The following VPS51 variants were observed in gnomAD, a reference collection of about 807,000 sequenced individuals.
VPS51 encodes the protein VPS51 subunit of GARP complex.
Under a neutral mutation model 65.1 loss-of-function variants are expected in VPS51, and 55 were observed. That is an observed-to-expected ratio of 0.84 (90% CI 0.68 to 1.06). The LOEUF (loss-of-function observed/expected upper bound fraction) is 1.06, where lower values mean the gene tolerates loss of function less well. Among genes scored for constraint, VPS51 ranks in the 50% least tolerant of loss-of-function variants. The pLI, the probability that VPS51 is intolerant of heterozygous loss-of-function variation, is 0.00. For missense variants in VPS51, 943 were observed against 1,101.6 expected, an observed-to-expected ratio of 0.86 and a Z score of 2.04; for synonymous variants, 473 against 489.5, an observed-to-expected ratio of 0.97 and a Z score of 0.44.
chr11:65,107,937 C>G lies in VPS51; in HGVS notation c.640C>G (p.Gln214Glu), dbSNP rs750832113. 33 of 1,565,190 alleles carry G rather than the reference C, an allele frequency of 2.1e-5. 2 individuals carry two copies. The South Asian group carries it at 3.7e-4, about 18-fold the overall frequency. Residue 214 changes from glutamine (Q) to glutamate (E), a missense_variant, in exon 4 of 10, where the codon CAA becomes GAA. Coordinates refer to ENST00000279281, the MANE Select transcript of VPS51 (RefSeq NM_013265.4). The surrounding 1 kb of genome is among the most constrained non-coding windows in gnomAD (Gnocchi z 4.0). ...CGCGCAGGCCGTGCTGCAGCAGTAC[C>G]AACACCTGCCCTCGTTCCGCGCCAT... is the stretch of plus-strand genomic sequence containing the variant. ...GRAQAVLQQY[Q>E]HLPSFRAIQD...
At chr11:65,109,534 G>A (rs376207338) in intron 6 of VPS51, 39 bp downstream of exon 6, 13 of 1,598,526 alleles carry the variant, frequency 8.1e-6, no homozygotes, top group South Asian at 5.5e-5. Flanking sequence ...GAATGGTGTT[G>A]CTGGGAATGC....
intron 2 of VPS51, among the ~76,000 whole-genome samples, chr11:65,099,268 G>A (rs1947791954): frequency 6.6e-6 from 1 of 152,142 alleles, no homozygotes; most frequent in African/African-American, 2.4e-5. Flanking sequence ...AAGGAGGGGG[G>A]TGGAACAGAG....
In VPS51 at chr11:65,111,488, C is replaced by T; in HGVS notation, c.2250C>T (p.His750=). ...WRFVADEELV[H]LLLDEVVASA... ...TTGTGGCCGACGAAGAACTCGTGCA[C>T]TTGCTGCTGGACGAAGTGGTGGCCT... The change falls in exon 10 of 10, where the codon CAC becomes CAT. Residue 750 remains histidine (H), a synonymous_variant. Transcript: ENST00000279281. 3 of 1,613,928 alleles carry T rather than the reference C, an allele frequency of 1.9e-6. No individual in the cohort carries two copies. Among genetic ancestry groups the T allele is most frequent in the Non-Finnish European group, 1.7e-6 (2 of 1,180,048 alleles).
chr11:65,108,900 A>C lies in VPS51; in HGVS notation c.1429A>C (p.Lys477Gln), dbSNP rs1247965201. 11 of 1,612,816 alleles carry C rather than the reference A, an allele frequency of 6.8e-6. No homozygotes were observed. Among genetic ancestry groups the C allele is most frequent in the Non-Finnish European group, 8.5e-6 (10 of 1,179,988 alleles). Residue 477 changes from lysine to glutamine, a missense_variant, in exon 5 of 10, where the codon AAG (lysine) becomes CAG (glutamine). By Grantham distance (53) the Lys-to-Gln change is moderately conservative (BLOSUM62 1). Coordinates refer to ENST00000279281, the MANE Select transcript of VPS51 (RefSeq NM_013265.4). ...FTAKEVSFSN[K>Q]PYFRGEFCSQ... ...CGCCAAAGAGGTGTCCTTCTCCAACAAGCCCTACTTCCGGGTACGCCTCCT... is the reference window on the plus strand; with the variant it reads ...CGCCAAAGAGGTGTCCTTCTCCAACCAGCCCTACTTCCGGGTACGCCTCCT...
chr11:65,096,505 T>TGGGGGTGGGGGGGGGG, intron 1 of VPS51, 27 bp downstream of exon 1: 1 of 371,842 alleles, frequency 2.7e-6, no homozygotes, highest in African/African-American at 4.4e-5. Context: ...AGTGGGGGGG[T>TGGGGGTGGGGGGGGGG]GCGGGGAGGG....
Position 65,096,465 on chromosome 11 carries a change from T to C in VPS51, c.215T>C (p.Val72Ala). 1 of 1,527,854 alleles carries C rather than the reference T, an allele frequency of 6.5e-7. No homozygotes were observed. Among genetic ancestry groups the C allele is most frequent in the Admixed American group, 2.4e-5 (1 of 41,526 alleles). 94.6% of individuals were successfully genotyped at this position (1,527,854 alleles called of 1,614,324 possible). ...DLNGAHFDPEVYLDKLRRECP... is the reference protein window; with the variant it reads ...DLNGAHFDPEAYLDKLRRECP... ...AACGGGGCGCACTTCGACCCGGAAG[T>C]TTACCTAGACAAGGTGTGTGCGCAC... Residue 72 changes from valine (V) to alanine (A), a missense_variant, in exon 1 of 10, where the codon GTT becomes GCT. By Grantham distance (64) the Val-to-Ala change is moderately conservative (BLOSUM62 0). Around this residue, in one of 2 missense-constraint regions of VPS51, gnomAD observed 855 missense variants for 953.7 expected, o/e 0.90. Coordinates refer to ENST00000279281, the MANE Select transcript of VPS51 (RefSeq NM_013265.4).
At position 65,108,373 on chromosome 11, in the gene VPS51, T is replaced by TA. The variant is rs765541154; in HGVS notation, c.903dup (p.Glu302ArgfsTer63). The TA allele has an allele frequency of 1.9e-6, 3 of 1,612,270 alleles. No individual in the cohort carries two copies. Among genetic ancestry groups the TA allele is most frequent in the Non-Finnish European group, 8.5e-7 (1 of 1,179,690 alleles). On this transcript the variant is annotated frameshift_variant, in exon 5 of 10. Transcript: ENST00000279281. LOFTEE classifies it high-confidence loss of function. ...CCCTCACCTCCGGCTCCCGACGTGT[T>TA]AGAGTTCACCGACCATGGAGGCAGT...
At chr11:65,103,307 T>C (rs1209621) in intron 2 of VPS51, among the ~76,000 whole-genome samples, 134,136 of 152,222 alleles carry the variant, frequency 0.88, 59,714 homozygotes, top group Middle Eastern at 0.96. Context: ...GTCCCTATGG[T>C]CCCAAAAGTA....
chr11:65,098,307 C>A (rs979572766), intron 2 of VPS51, among the ~76,000 whole-genome samples: 4 of 152,202 alleles, frequency 2.6e-5, no homozygotes, highest in African/African-American at 9.6e-5. Context: ...CCCTCCCTTT[C>A]TTTCTCCCTT....
rs961225661 is a variant in VPS51, at chr11:65,107,131, C to T, written c.359-450C>T. 2.2e-6 allele frequency: 1 copy of T among 458,588 alleles called. No homozygotes were observed. The highest frequency in any genetic ancestry group is 4.4e-6 in the Non-Finnish European group (1 of 228,740). 28.4% of individuals were successfully genotyped at this position (458,588 alleles called of 1,614,324 possible). On this transcript the variant is annotated intron_variant, in intron 2 of 9. Coordinates refer to ENST00000279281, the MANE Select transcript of VPS51 (RefSeq NM_013265.4). This position sits in a 1 kb window ranked among gnomAD's most constrained non-coding sequence, Gnocchi z 4.0. The stretch of plus-strand genomic sequence containing the variant: ...CATGTTCCGGAAAGCATGTGAAAGG[C>T]TTTGGGAGGTCTGGAAAGGAGATGA...
At position 65,110,205 on chromosome 11, in the gene VPS51, T is replaced by C. The variant is rs75096564; in HGVS notation, c.1879-277T>C. On this transcript the variant is annotated intron_variant, in intron 7 of 9. Coordinates refer to ENST00000279281, the MANE Select transcript of VPS51 (RefSeq NM_013265.4). ...ATGACATCTTCGCCCCTATTTTACCTGTGGAGAAGCAGAGGCTCAGGGTTA... is the reference window on the plus strand; with the variant it reads ...ATGACATCTTCGCCCCTATTTTACCCGTGGAGAAGCAGAGGCTCAGGGTTA... 4,504 of 630,466 alleles carry C rather than the reference T, an allele frequency of 7.1e-3. 150 individuals are homozygous for C. The African/African-American group carries it at 0.072, about 10-fold the overall frequency. The allele number at this position is 630,466 out of a possible 1,614,324, so 39.1% of individuals were successfully genotyped here. A position where few individuals can be genotyped will look rare whatever the true frequency, so the allele number is the denominator to read the frequency against.
chr11:65,096,747 G>C, intron 1 of VPS51: 1 of 665,164 alleles, frequency 1.5e-6, no homozygotes, highest in Non-Finnish European at 2.5e-6. Context: ...CCCAAGCGTT[G>C]ACAGGCGCGG....
intron 2 of VPS51, among the ~76,000 whole-genome samples, chr11:65,103,935 T>A (rs1947825983): frequency 6.6e-6 from 1 of 151,560 alleles, no homozygotes; most frequent in Non-Finnish European, 1.5e-5. Flanking sequence ...ATTTATTCAA[T>A]TATTATTATT....
Position 65,108,551 on chromosome 11 carries a change from G to A in VPS51, c.1080G>A (p.Gln360=), listed in dbSNP as rs770137850. ...ALVERRLAQE[Q]GGGDNSLLVR... is the part of the protein sequence containing the mutation. ...TGGAGCGGCGGCTGGCGCAGGAGCA[G>A]GGTGGTGGTGACAACTCACTGCTGG... The change falls in exon 5 of 10, where the codon CAG becomes CAA. Residue 360 remains glutamine, a synonymous_variant. Coordinates refer to ENST00000279281, the MANE Select transcript of VPS51 (RefSeq NM_013265.4). 3 of 1,569,846 alleles carry A rather than the reference G, an allele frequency of 1.9e-6. No individual in the cohort carries two copies. In the South Asian group the frequency reaches 3.4e-5, roughly 18 times the overall value.
At chr11:65,111,235 A>G (rs1565318880) in intron 9 of VPS51, 92 bp from the exon 10 acceptor site, 3 of 1,567,934 alleles carry the variant, frequency 1.9e-6, no homozygotes, top group South Asian at 1.1e-5. Flanking sequence ...AGCTACTTCC[A>G]TCGTATGTCT....
intron 4 of VPS51, 35 bp from the exon 5 acceptor site, chr11:65,108,162 C>G (rs773936994): frequency 1.3e-6 from 2 of 1,587,268 alleles, no homozygotes; most frequent in East Asian, 2.3e-5. Flanking sequence ...ACCGGCAGCC[C>G]CGGCCCTGCC....
chr11:65,102,714 C>A (rs1309453094), intron 2 of VPS51, among the ~76,000 whole-genome samples: 2 of 152,208 alleles, frequency 1.3e-5, no homozygotes, highest in Non-Finnish European at 2.9e-5. Context: ...AACTGCCAAG[C>A]CTCTGTCTGT....
At chr11:65,096,589 C>G (rs1947771265) in intron 1 of VPS51, 111 bp downstream of exon 1, 1 of 1,015,830 alleles carries the variant, frequency 9.8e-7, no homozygotes, top group Non-Finnish European at 1.4e-6. Flanking sequence ...TTCAGGAGAG[C>G]AGGTGTTCAT....
chr11:65,101,181 A>G (rs1590810334), intron 2 of VPS51, among the ~76,000 whole-genome samples: 1 of 152,344 alleles, frequency 6.6e-6, no homozygotes, highest in East Asian at 1.9e-4. Flanking sequence ...ATGTTCTGGA[A>G]TTACGTAGTG....
Sources: gnomAD v4.1 joint callset for allele counts (sites outside exome capture counted in the v4.1 genomes callset) on GRCh38, gnomAD v4.1.1 for gene constraint, gnomAD v4.1.1 regional missense constraint, Gnocchi (gnomAD v3.1) non-coding constraint, MANE v1.5 for transcripts, NCBI Gene and HGNC (gene_info 2026-07-23, HGNC 2026-07-21) for gene names.